The following NRXN3 variants were observed in gnomAD, a reference collection of about 807,000 sequenced individuals.
NRXN3 encodes the protein neurexin 3, also known as neurexin III.
Under a neutral mutation model 137.6 loss-of-function variants are expected in NRXN3, and 32 were observed. The observed-to-expected ratio is 0.23, with a 90% CI of 0.18 to 0.31. The LOEUF is 0.31. NRXN3 is among the 10% of genes least tolerant of loss of function. The pLI, the probability that NRXN3 is intolerant of heterozygous loss-of-function variation, is 1.00. For missense variants in NRXN3, 1,574 were observed against 2,062.5 expected (o/e 0.76, Z 4.59); for synonymous variants, 798 against 784.5 (o/e 1.02, Z -0.29).
intron 15 of NRXN3, among the ~76,000 whole-genome samples, chr14:79,041,402 C>T (rs1471929461): frequency 6.6e-6 from 1 of 152,112 alleles, no homozygotes; most frequent in Non-Finnish European, 1.5e-5. Context: ...CATTATGACA[C>T]CATAATTAGA....
chr14:79,150,947 A>G (rs1036004135), intron 15 of NRXN3, among the ~76,000 whole-genome samples: 1 of 152,068 alleles, frequency 6.6e-6, no homozygotes, highest in Non-Finnish European at 1.5e-5. Flanking sequence ...TGTTGCCTGC[A>G]TACACAAAAT....
intron 5 of NRXN3, among the ~76,000 whole-genome samples, chr14:78,648,966 A>G (rs2097712667): frequency 6.6e-6 from 1 of 152,068 alleles, no homozygotes; most frequent in Admixed American, 6.6e-5. Flanking sequence ...GTGGTCTGAG[A>G]GAGATTTGGA....
intron 4 of NRXN3, among the ~76,000 whole-genome samples, chr14:78,456,853 C>CTTTCTT (rs1415027844): frequency 2.3e-5 from 3 of 128,790 alleles, no homozygotes; most frequent in African/African-American, 8.0e-5. Context: ...TTCTTTCTTT[C>CTTTCTT]TTTTTCTCTT....
rs79375704 is a variant in NRXN3, at chr14:79,691,524, A to G, written c.3617-649A>G. ...TCCTTATTTTTAAAAATGTGGAACA[A>G]ATCTGGAAAGATAGTGATATAAAAG... On this transcript the variant is annotated intron_variant, in intron 17 of 20. Coordinates refer to ENST00000335750, the MANE Select transcript of NRXN3 (RefSeq NM_001330195.2). 5.1e-3 allele frequency among the ~76,000 whole-genome samples: 776 copies of G among 152,190 alleles called. 53 individuals are homozygous for G. The East Asian group carries it at 0.13, about 26-fold the overall frequency.
chr14:79,394,480 AG>A (rs1360464282), intron 15 of NRXN3, among the ~76,000 whole-genome samples: 9 of 152,218 alleles, frequency 5.9e-5, no homozygotes, highest in African/African-American at 2.2e-4. Flanking sequence ...TTACTCAGGC[AG>A]TCTCAAGATA....
At chr14:78,301,634 G>A (rs1423213993) in intron 4 of NRXN3, among the ~76,000 whole-genome samples, 2 of 152,198 alleles carry the variant, frequency 1.3e-5, no homozygotes, top group Non-Finnish European at 1.5e-5. Context: ...ATGAGTCTGT[G>A]TGCTGTCTCT....
At chr14:79,764,171 G>A (rs1027535416) in intron 19 of NRXN3, among the ~76,000 whole-genome samples, 3 of 147,786 alleles carry the variant, frequency 2.0e-5, no homozygotes, top group African/African-American at 5.0e-5. Context: ...TGGGTGGGGG[G>A]GGTGTTAAGA....
At chr14:78,547,615 AT>A (rs1398458665) in intron 4 of NRXN3, among the ~76,000 whole-genome samples, 1 of 152,034 alleles carries the variant, frequency 6.6e-6, no homozygotes, top group Non-Finnish European at 1.5e-5. Context: ...AAAATATAGT[AT>A]GTTTCCTCTT....
intron 10 of NRXN3, among the ~76,000 whole-genome samples, chr14:78,818,824 C>T (rs529769953): frequency 3.9e-5 from 6 of 152,198 alleles, no homozygotes; most frequent in African/African-American, 1.4e-4. Context: ...CTTTATCCCA[C>T]CCTACTCTTC....
chr14:79,395,078 A>G (rs185663294), intron 15 of NRXN3, among the ~76,000 whole-genome samples: 1 of 152,322 alleles, frequency 6.6e-6, no homozygotes, highest in East Asian at 1.9e-4. Context: ...GTACTCACAA[A>G]GGGAGCCAGT....
intron 15 of NRXN3, among the ~76,000 whole-genome samples, chr14:79,358,609 G>GAAAGAAAGAA (rs1566902300): frequency 1.7e-4 from 9 of 53,400 alleles, no homozygotes; most frequent in African/African-American, 4.7e-4. Context: ...GAAAGAAAGA[G>GAAAGAAAGAA]AAAGAAAGAA....
At position 78,892,774 on chromosome 14, in the gene NRXN3, C is replaced by CTGTGTGTGTG. The variant is rs58718552; in HGVS notation, c.2276-64439_2276-64430dup. On this transcript the variant is annotated intron_variant, in intron 10 of 20. Transcript: ENST00000335750. ...AACAACTCGGTAATGCCCCCATCTT[C>CTGTGTGTGTG]TGTGTGTGTGTGTGTGTGTGTGTGT... is the stretch of plus-strand genomic sequence containing the variant. Among the ~76,000 whole-genome samples, 853 of 140,122 alleles carry CTGTGTGTGTG rather than the reference C, an allele frequency of 6.1e-3. 4 individuals are homozygous for CTGTGTGTGTG. Among genetic ancestry groups the CTGTGTGTGTG allele is most frequent in the East Asian group, 0.025 (119 of 4,712 alleles). 91.9% of individuals were successfully genotyped at this position (140,122 alleles called of 152,430 possible). A position where few individuals can be genotyped will look rare whatever the true frequency, so the allele number is the denominator to read the frequency against.
At chr14:78,888,225 A>T (rs1183254705) in intron 10 of NRXN3, among the ~76,000 whole-genome samples, 1 of 152,056 alleles carries the variant, frequency 6.6e-6, no homozygotes, top group Non-Finnish European at 1.5e-5. Flanking sequence ...TGGGATCATG[A>T]TCTGCAACAT....
intron 10 of NRXN3, among the ~76,000 whole-genome samples, chr14:78,841,935 C>T (rs2099013599): frequency 6.6e-6 from 1 of 152,150 alleles, no homozygotes; most frequent in Admixed American, 6.6e-5. Flanking sequence ...TAGCACCCAT[C>T]TTTCAGGGTT....
At chr14:78,337,163 G>A (rs1174801788) in intron 4 of NRXN3, among the ~76,000 whole-genome samples, 3 of 152,100 alleles carry the variant, frequency 2.0e-5, no homozygotes. Context: ...TACTGGGGGA[G>A]GCAGCAGGCA....
At chr14:79,791,069 A>C (rs1031053470) in intron 19 of NRXN3, 6 of 152,094 alleles carry the variant, frequency 3.9e-5, no homozygotes, top group Non-Finnish European at 5.9e-5. Context: ...CCCCACCTCC[A>C]ACATTAGGGA....
intron 15 of NRXN3, among the ~76,000 whole-genome samples, chr14:79,231,040 T>G: frequency 6.6e-6 from 1 of 152,190 alleles, no homozygotes; most frequent in Admixed American, 6.5e-5. Context: ...CTTATAACTC[T>G]TGGTTAATGA....
intron 19 of NRXN3, among the ~76,000 whole-genome samples, chr14:79,727,090 T>C (rs2098894862): frequency 2.6e-5 from 4 of 152,254 alleles, no homozygotes; most frequent in Non-Finnish European, 5.9e-5. Context: ...TTCAGCCATA[T>C]AAACACATAG....
intron 15 of NRXN3, among the ~76,000 whole-genome samples, chr14:78,994,218 T>C (rs926647619): frequency 1.3e-5 from 2 of 151,982 alleles, no homozygotes; most frequent in Non-Finnish European, 2.9e-5. Flanking sequence ...AAAGGAAAGG[T>C]AGCGTGCCAG....
Sources: gnomAD v4.1 joint callset for allele counts (sites outside exome capture counted in the v4.1 genomes callset) on GRCh38, gnomAD v4.1.1 for gene constraint, MANE v1.5 for transcripts, NCBI Gene and HGNC (gene_info 2026-07-23, HGNC 2026-07-21) for gene names.